Variants in SKIC3 observed in about 807,000 individuals in gnomAD.
SKIC3 encodes the protein SKI3 subunit of superkiller complex, also known as superkiller complex protein 3.
chr5:95,494,240 T>C, the SKIC3 span, among the ~76,000 whole-genome samples: 3 of 152,150 alleles, frequency 2.0e-5, no homozygotes, highest in African/African-American at 7.2e-5. Context: ...GGTGCTCTCT[T>C]AATAATCAGT....
At chr5:95,538,804 A>G in the SKIC3 span, among the ~76,000 whole-genome samples, 1 of 152,176 alleles carries the variant, frequency 6.6e-6, no homozygotes, top group Non-Finnish European at 1.5e-5. Flanking sequence ...TTTACTCTAA[A>G]TACTAAATAT....
chr5:95,518,357 T>C, the SKIC3 span, among the ~76,000 whole-genome samples: 137 of 152,236 alleles, frequency 9.0e-4, 6 homozygotes, highest in South Asian at 0.028. Flanking sequence ...CTATATATTA[T>C]TGTTAACTAC....
At chr5:95,482,915 G>C in the SKIC3 span, among the ~76,000 whole-genome samples, 1 of 151,900 alleles carries the variant, frequency 6.6e-6, no homozygotes, top group African/African-American at 2.4e-5. Flanking sequence ...AAAAATTTAG[G>C]TTCTAAATGT....
chr5:95,493,819 ATAT>A, the SKIC3 span, among the ~76,000 whole-genome samples: 2 of 151,168 alleles, frequency 1.3e-5, no homozygotes, highest in Admixed American at 6.6e-5. Context: ...ATTTAAAATA[ATAT>A]TATATTATAT....
At chr5:95,523,616 A>C in the SKIC3 span, 1 of 1,604,610 alleles carries the variant, frequency 6.2e-7, no homozygotes, top group Non-Finnish European at 8.5e-7. Flanking sequence ...TATACTCAGG[A>C]TAAAAAAAAC....
At chr5:95,533,458 GCA>G in the SKIC3 span, among the ~76,000 whole-genome samples, 2 of 152,042 alleles carry the variant, frequency 1.3e-5, no homozygotes, top group South Asian at 2.1e-4. Flanking sequence ...AAAGAAAAAA[GCA>G]CAGATTCCTA....
At chr5:95,536,636 C>T in the SKIC3 span, 4 of 591,692 alleles carry the variant, frequency 6.8e-6, no homozygotes, top group East Asian at 2.9e-5. Context: ...TATTACTGTA[C>T]TTTCCTATAT....
At chr5:95,533,330 A>AT in the SKIC3 span, among the ~76,000 whole-genome samples, 1 of 152,144 alleles carries the variant, frequency 6.6e-6, no homozygotes, top group Non-Finnish European at 1.5e-5. Context: ...AACTGCTGTG[A>AT]AGTAGCAAAT....
the SKIC3 span, chr5:95,491,099 C>A: frequency 9.9e-5 from 158 of 1,596,864 alleles, 1 homozygote; most frequent in South Asian, 1.3e-3. Context: ...TAAAAACTAT[C>A]AAAAATGAGA....
At chr5:95,467,530 T>A in the SKIC3 span, among the ~76,000 whole-genome samples, 1 of 152,168 alleles carries the variant, frequency 6.6e-6, no homozygotes, top group African/African-American at 2.4e-5. Flanking sequence ...AAACTTTTTT[T>A]AAATACAGGT....
the SKIC3 span, chr5:95,529,990 C>G: frequency 6.8e-7 from 1 of 1,481,378 alleles, no homozygotes; most frequent in Middle Eastern, 1.8e-4. Context: ...TTCCCTTCCA[C>G]CTTAGATAGA....
the SKIC3 span, chr5:95,522,341 T>C: frequency 5.0e-6 from 8 of 1,608,406 alleles, no homozygotes; most frequent in Non-Finnish European, 6.8e-6. Flanking sequence ...GAACTAAAAG[T>C]ATGGAACTAT....
chr5:95,482,730 G>T, the SKIC3 span: 9 of 1,308,392 alleles, frequency 6.9e-6, no homozygotes, highest in Non-Finnish European at 8.6e-6. Flanking sequence ...AATTCTGAAG[G>T]TTTATACCTT....
the SKIC3 span, among the ~76,000 whole-genome samples, chr5:95,521,804 T>G: frequency 1.3e-5 from 2 of 152,142 alleles, no homozygotes; most frequent in South Asian, 4.1e-4. Context: ...TTTTTAGATC[T>G]AATAGTTATC....
the SKIC3 span, among the ~76,000 whole-genome samples, chr5:95,478,839 CTT>C: frequency 6.6e-6 from 1 of 152,034 alleles, no homozygotes; most frequent in Non-Finnish European, 1.5e-5. Context: ...AAAAAACTCT[CTT>C]AGCATATTCA....
chr5:95,553,608 G>A, the SKIC3 span, among the ~76,000 whole-genome samples: 2 of 151,694 alleles, frequency 1.3e-5, no homozygotes, highest in Admixed American at 6.6e-5. Context: ...TTGCCCAGGC[G>A]GAGTGCAAAG....
chr5:95,537,775 T>G, the SKIC3 span, among the ~76,000 whole-genome samples: 1 of 152,148 alleles, frequency 6.6e-6, no homozygotes, highest in Non-Finnish European at 1.5e-5. Flanking sequence ...TATAAAGCAC[T>G]TCATACCACT....
At chr5:95,529,224 A>G in the SKIC3 span, 1 of 825,116 alleles carries the variant, frequency 1.2e-6, no homozygotes, top group Non-Finnish European at 2.1e-6. Context: ...CATCAGTCAC[A>G]AAGTCACACT....
the SKIC3 span, chr5:95,547,006 A>C: frequency 1.3e-6 from 2 of 1,523,576 alleles, no homozygotes; most frequent in East Asian, 2.3e-5. Flanking sequence ...ACAAATCAAC[A>C]ATGTTTATAA....
Sources: allele counts gnomAD v4.1 joint callset (sites outside exome capture counted in the v4.1 genomes callset), GRCh38; gene constraint gnomAD v4.1.1; transcripts MANE v1.5; gene names NCBI Gene and HGNC (gene_info 2026-07-23, HGNC 2026-07-21).